The following TIMD4 variants were observed in gnomAD, a reference collection of about 807,000 sequenced individuals.
The protein encoded by TIMD4 is T cell immunoglobulin and mucin domain containing 4.
TIMD4 carries 31 observed loss-of-function variants against 41.2 expected under a neutral mutation model. The observed-to-expected ratio is 0.75, with a 90% CI of 0.57 to 1.01. The LOEUF is 1.01. TIMD4 is among the 50% of genes least tolerant of loss of function. The pLI, the probability that TIMD4 is intolerant of heterozygous loss-of-function variation, is 0.00. For synonymous variants in TIMD4, 204 were observed against 177.1 expected (o/e 1.15, Z -1.21); for missense variants, 479 against 472.5 (o/e 1.01, Z -0.13).
chr5:156,926,447 TA>T, intron 5 of TIMD4, 135 bp from the exon 6 acceptor site: 1 of 818,298 alleles, frequency 1.2e-6, no homozygotes, highest in Non-Finnish European at 1.9e-6. Context: ...GTTTTTTGTA[TA>T]ATCTATTTAT....
intron 3 of TIMD4, 29 bp downstream of exon 3, chr5:156,951,483 T>C: frequency 6.2e-7 from 1 of 1,612,576 alleles, no homozygotes; most frequent in Non-Finnish European, 8.5e-7. Flanking sequence ...ACAGCACTGT[T>C]CTAAGAAACC....
chr5:156,962,811 C>T (rs1581640315), intron 1 of TIMD4, among the ~76,000 whole-genome samples: 1 of 152,206 alleles, frequency 6.6e-6, no homozygotes, highest in Non-Finnish European at 1.5e-5. Flanking sequence ...ATTCTCCTGG[C>T]TTATTGATTA....
At position 156,954,672 on chromosome 5, in the gene TIMD4, T is replaced by C; in HGVS notation, c.143A>G (p.Asn48Ser). 1 of 1,614,208 alleles carries C rather than the reference T, an allele frequency of 6.2e-7. No individual in the cohort carries two copies. Among genetic ancestry groups the C allele is most frequent in the Non-Finnish European group, 8.5e-7 (1 of 1,180,044 alleles). Residue 48 changes from asparagine (N) to serine (S), a missense_variant, in exon 2 of 9, where the codon AAC becomes AGC. Physicochemically the swap from Asn to Ser is conservative, Grantham distance 46. Coordinates refer to ENST00000274532, the MANE Select transcript of TIMD4 (RefSeq NM_138379.3). ...TTTCCCCCAGCACATGCTGTTGCTG[T>C]TGTGAGACCAGGATGAGTACAGACA... The part of the protein sequence containing the change: ...LPCLYSSWSH[N>S]SNSMCWGKDQ...
intron 5 of TIMD4, among the ~76,000 whole-genome samples, chr5:156,943,562 G>C (rs1235665431): frequency 3.3e-5 from 5 of 152,202 alleles, no homozygotes; most frequent in African/African-American, 1.2e-4. Flanking sequence ...GATTTGGGAT[G>C]TTATAGAGGC....
intron 5 of TIMD4, among the ~76,000 whole-genome samples, chr5:156,932,391 A>G (rs6872306): frequency 0.027 from 4,171 of 152,316 alleles, 138 homozygotes; most frequent in African/African-American, 0.081. Flanking sequence ...TTAGAAACCC[A>G]GTAACCCACA....
At chr5:156,942,657 C>A (rs114820890) in intron 5 of TIMD4, among the ~76,000 whole-genome samples, 1,708 of 152,228 alleles carry the variant, frequency 0.011, 39 homozygotes, top group African/African-American at 0.039. Flanking sequence ...TATCTGCAGA[C>A]CAGCCACCTA....
In TIMD4 at chr5:156,951,666, G is replaced by A. The variant is rs150170341; in HGVS notation, c.525C>T (p.Pro175=). 87 of 1,613,980 alleles carry A rather than the reference G, an allele frequency of 5.4e-5. 2 individuals carry two copies. Among genetic ancestry groups the A allele is most frequent in the Admixed American group, 2.8e-4 (17 of 59,982 alleles). Residue 175 remains proline (P), a synonymous_variant, in exon 3 of 9, where the codon CCC becomes CCT. Coordinates refer to ENST00000274532, the MANE Select transcript of TIMD4 (RefSeq NM_138379.3). ...GGAGTGGTGTTCCGGTTGTGAGATC[G>A]GGTGTGGTCACGACTGTTGTTGGAA... ...AALPTTVVTT[P]DLTTGTPLQM...
rs1036811462 is a variant in TIMD4, at chr5:156,947,713, T to C, written c.844+703A>G. ...AGCATGATAACATTGTCTAAAGACATGCACAAAACTGAACTATGTATTTCT... is the reference window on the plus strand; with the variant it reads ...AGCATGATAACATTGTCTAAAGACACGCACAAAACTGAACTATGTATTTCT... On this transcript the variant is annotated intron_variant, in intron 5 of 8. Coordinates refer to ENST00000274532, the MANE Select transcript of TIMD4 (RefSeq NM_138379.3). 3.9e-5 allele frequency among the ~76,000 whole-genome samples: 6 copies of C among 152,324 alleles called. No homozygotes were observed. The East Asian group carries it at 9.7e-4, about 25-fold the overall frequency.
intron 1 of TIMD4, 104 bp from the exon 2 acceptor site, chr5:156,954,860 T>G: frequency 1.0e-6 from 1 of 983,268 alleles, no homozygotes; most frequent in South Asian, 1.7e-5. Flanking sequence ...TGAAGAAAGC[T>G]GTAGTCTATG....
intron 5 of TIMD4, among the ~76,000 whole-genome samples, chr5:156,939,285 T>C (rs12654554): frequency 0.28 from 42,826 of 152,068 alleles, 6,268 homozygotes; most frequent in Admixed American, 0.35. Flanking sequence ...ATCTGCCTCA[T>C]AGATTCAGAC....
intron 1 of TIMD4, among the ~76,000 whole-genome samples, chr5:156,960,720 T>C (rs1056712810): frequency 2.6e-5 from 4 of 152,210 alleles, no homozygotes; most frequent in African/African-American, 4.8e-5. Context: ...AGATTGTTTC[T>C]TCAGTGCCTA....
intron 5 of TIMD4, among the ~76,000 whole-genome samples, chr5:156,941,567 C>T (rs1169178463): frequency 6.6e-6 from 1 of 152,142 alleles, no homozygotes; most frequent in African/African-American, 2.4e-5. Flanking sequence ...CTTGAAGAAC[C>T]AATTCAAAGG....
chr5:156,927,951 G>T (rs918375797), intron 5 of TIMD4, among the ~76,000 whole-genome samples: 3 of 152,160 alleles, frequency 2.0e-5, no homozygotes, highest in African/African-American at 7.2e-5. Flanking sequence ...AAAGGGTGCA[G>T]TTGGAAATAC....
chr5:156,926,287 C>T lies in TIMD4; in HGVS notation c.870G>A (p.Gln290=), dbSNP rs1248645972. Residue 290 remains glutamine, a synonymous_variant, in exon 6 of 9, where the codon CAG becomes CAA. Coordinates refer to ENST00000274532, the MANE Select transcript of TIMD4 (RefSeq NM_138379.3). The stretch of plus-strand genomic sequence containing the variant: ...CCTGTCCTGTTTTTGTTGTTTTGTT[C>T]TGCTCAGGAACTGCTGTATCAGATG... ...PGASDTAVPE[Q]NKTTKTGQMD... is the part of the protein sequence containing the mutation. 3.7e-6 allele frequency: 6 copies of T among 1,613,520 alleles called. No homozygotes were observed. The highest frequency in any genetic ancestry group is 5.1e-6 in the Non-Finnish European group (6 of 1,179,682).
chr5:156,955,422 C>T (rs886940218), intron 1 of TIMD4, among the ~76,000 whole-genome samples: 5 of 152,066 alleles, frequency 3.3e-5, no homozygotes, highest in Admixed American at 2.0e-4. Context: ...TTTGGGAGGC[C>T]GAGGCAGGCG....
At chr5:156,928,320 C>A (rs1759384990) in intron 5 of TIMD4, among the ~76,000 whole-genome samples, 1 of 151,366 alleles carries the variant, frequency 6.6e-6, no homozygotes, top group African/African-American at 2.4e-5. Context: ...GAAAGAAATC[C>A]ATGGGCTGCA....
Position 156,928,509 on chromosome 5 carries a change from A to G in TIMD4, c.845-2197T>C, listed in dbSNP as rs1407703183. Among the ~76,000 whole-genome samples, 40 of 152,216 alleles carry G rather than the reference A, an allele frequency of 2.6e-4. 1 individual carries two copies. The highest frequency in any genetic ancestry group is 2.5e-3 in the Admixed American group (38 of 15,286). ...AGGGATGTAAAGTCATATGTACAAT[A>G]AAGTCTTAAAATAGAAACAGAACTT... On this transcript the variant is annotated intron_variant, in intron 5 of 8. Transcript: ENST00000274532.
In TIMD4 at chr5:156,919,475, G is replaced by T. The variant is rs567822622; in HGVS notation, c.1119C>A (p.Asp373Glu). Residue 373 changes from aspartate (D) to glutamate (E), a missense_variant, in exon 9 of 9, where the codon GAC becomes GAA. Coordinates refer to ENST00000274532, the MANE Select transcript of TIMD4 (RefSeq NM_138379.3). ...TGCGTTGTTAGAGGGTAAAAAGGCC[G>T]TCTTCGTCTTCCCTTCCATGCTGCA... ...NDVQHGREDE[D>E]GLFTL 3 of 1,613,884 alleles carry T rather than the reference G, an allele frequency of 1.9e-6. No homozygotes were observed. The highest frequency in any genetic ancestry group is 8.5e-7 in the Non-Finnish European group (1 of 1,179,936).
chr5:156,921,226 CAT>C (rs1168718108), intron 7 of TIMD4, among the ~76,000 whole-genome samples: 4 of 152,090 alleles, frequency 2.6e-5, no homozygotes, highest in African/African-American at 9.7e-5. Context: ...GGCATGAACA[CAT>C]AAACACTTTT....
Sources: gnomAD v4.1 joint callset for allele counts (sites outside exome capture counted in the v4.1 genomes callset) on GRCh38, gnomAD v4.1.1 for gene constraint, MANE v1.5 for transcripts, NCBI Gene and HGNC (gene_info 2026-07-23, HGNC 2026-07-21) for gene names.